DRC7: variants seen among roughly 807,000 people sequenced by gnomAD.
DRC7 encodes coiled-coil domain containing 135.
Under a neutral mutation model 104.4 loss-of-function variants are expected in DRC7, and 80 were observed. That is an observed-to-expected ratio of 0.77 (90% CI 0.64 to 0.92). DRC7 has a LOEUF of 0.92. Among genes scored for constraint, DRC7 ranks in the 40% least tolerant of loss-of-function variants. The pLI, the probability that DRC7 is intolerant of heterozygous loss-of-function variation, is 0.00. For missense variants in DRC7, 1,034 were observed against 1,141.1 expected, an observed-to-expected ratio of 0.91 and a Z score of 1.35; for synonymous variants, 405 against 447.3, an observed-to-expected ratio of 0.91 and a Z score of 1.19.
rs2048917646 is a variant in DRC7, at chr16:57,722,776, A to C, written c.1343A>C (p.Lys448Thr). Residue 448 changes from lysine (K) to threonine (T), a missense_variant, in exon 11 of 19, where the codon AAG becomes ACG. By Grantham distance (78) the Lys-to-Thr change is moderately conservative. Coordinates refer to ENST00000360716, the MANE Select transcript of DRC7 (RefSeq NM_001289162.2). ...VIQYKRAKLE[K>T]WAPYLNSNGL... ...CAGTACAAGAGGGCAAAGCTGGAGA[A>C]GTGGGCCCCGTACCTCAATAGCAAT... 6.2e-7 allele frequency: 1 copy of C among 1,613,908 alleles called. No individual in the cohort carries two copies. Among genetic ancestry groups the C allele is most frequent in the Non-Finnish European group, 8.5e-7 (1 of 1,180,012 alleles).
At chr16:57,717,676 G>A (rs1408479485) in intron 8 of DRC7, among the ~76,000 whole-genome samples, 1 of 151,700 alleles carries the variant, frequency 6.6e-6, no homozygotes, top group East Asian at 1.9e-4. Context: ...TCCAGCCTGG[G>A]CGACAGAGTG....
intron 6 of DRC7, among the ~76,000 whole-genome samples, chr16:57,704,398 C>T (rs2048690870): frequency 6.6e-6 from 1 of 151,910 alleles, no homozygotes; most frequent in Non-Finnish European, 1.5e-5. Context: ...CACACACACA[C>T]ACACACACGG....
intron 9 of DRC7, among the ~76,000 whole-genome samples, chr16:57,720,112 C>A (rs2048887268): frequency 6.6e-6 from 1 of 152,160 alleles, no homozygotes; most frequent in South Asian, 2.1e-4. Context: ...TTTAAATCCC[C>A]ACAGCCACCT....
chr16:57,723,486 G>T (rs573059681), intron 12 of DRC7, among the ~76,000 whole-genome samples: 1 of 152,166 alleles, frequency 6.6e-6, no homozygotes, highest in African/African-American at 2.4e-5. Flanking sequence ...TAATCCAAGC[G>T]CTTTGGGAGG....
Position 57,722,599 on chromosome 16 carries a change from C to T in DRC7, c.1280-114C>T, listed in dbSNP as rs1181014063. ...CGGCCTCCCTGGATCAGGCTTGGGG[C>T]TGGAGGAGTTCAGTACACAGAGAAC... On this transcript the variant is annotated intron_variant, in intron 10 of 18. Transcript: ENST00000360716. 23 of 1,408,460 alleles carry T rather than the reference C, an allele frequency of 1.6e-5. No homozygotes were observed. The Admixed American group carries it at 4.3e-4, about 26-fold the overall frequency. 87.2% of individuals were successfully genotyped at this position (1,408,460 alleles called of 1,614,324 possible).
chr16:57,726,170 C>G lies in DRC7; in HGVS notation c.1861C>G (p.His621Asp), dbSNP rs1409961371. The G allele has an allele frequency of 4.3e-5, 70 of 1,613,072 alleles. No homozygotes were observed. Among genetic ancestry groups the G allele is most frequent in the Non-Finnish European group, 5.6e-5 (66 of 1,180,024 alleles). ...GGAGGAGCGCATCCAGCTGCGCTAC[C>G]ACTGCCGTGAGGACCACATCACGGC... ...VAEERIQLRY[H>D]CREDHITASK... Residue 621 changes from histidine to aspartate, a missense_variant, in exon 14 of 19, where the codon CAC (histidine) becomes GAC (aspartate). His to Asp is a moderately conservative substitution (Grantham distance 81, BLOSUM62 -1). Transcript: ENST00000360716.
intron 6 of DRC7, among the ~76,000 whole-genome samples, chr16:57,702,947 G>C (rs1296474402): frequency 6.6e-6 from 1 of 152,036 alleles, no homozygotes; most frequent in Non-Finnish European, 1.5e-5. Flanking sequence ...GCAGTGGCAT[G>C]ATCTCGGCCC....
chr16:57,700,176 T>C lies in DRC7; in HGVS notation c.410T>C (p.Leu137Pro). The change falls in exon 5 of 19, where the codon CTG becomes CCG. Residue 137 changes from leucine (L) to proline (P), a missense_variant. Physicochemically the swap from Leu to Pro is moderately conservative, Grantham distance 98. Transcript: ENST00000360716. ...GTGAGCACAACCCTCCGGCCCACAC[T>C]GATGCCCTACCCCGAGCTCTACAAC... ...KFVSTTLRPT[L>P]MPYPELYNWD... The C allele has an allele frequency of 6.2e-7, 1 of 1,613,314 alleles. No homozygotes were observed. The highest frequency in any genetic ancestry group is 8.5e-7 in the Non-Finnish European group (1 of 1,179,722).
At position 57,728,365 on chromosome 16, in the gene DRC7, A is replaced by G. The variant is rs767200937; in HGVS notation, c.2197-25A>G. 4 of 1,548,756 alleles carry G rather than the reference A, an allele frequency of 2.6e-6. No individual in the cohort carries two copies. The East Asian group carries it at 9.2e-5, about 36-fold the overall frequency. ...AGGTCTCTGTAGTTCCTGCTGATCC[A>G]GCTATCTGCCCCTCACCTTTACAGG... On this transcript the variant is annotated intron_variant, in intron 16 of 18. Transcript: ENST00000360716.
rs1232085662 is a variant in DRC7 at position 57,726,272 on chromosome 16, A to G, written c.1963A>G (p.Ile655Val). ...NKIIMTPDMC[I>V]SFEVEPMEHT... Reference sequence around the variant, plus strand: ...GATCATCATGACGCCCGACATGTGCATCAGCTTCGAGGTGGGCCTGGGGGC... The same window carrying G: ...GATCATCATGACGCCCGACATGTGCGTCAGCTTCGAGGTGGGCCTGGGGGC... The change falls in exon 14 of 19, where the codon ATC becomes GTC. Residue 655 changes from isoleucine (I) to valine (V), a missense_variant. Ile to Val is a conservative substitution (Grantham distance 29). Transcript: ENST00000360716. The G allele has an allele frequency of 6.2e-7, 1 of 1,610,876 alleles. No homozygotes were observed. The highest frequency in any genetic ancestry group is 8.5e-7 in the Non-Finnish European group (1 of 1,178,196).
chr16:57,729,069 AGTGGATGGATGAGTGGGTAG>A (rs1461644865), intron 17 of DRC7, among the ~76,000 whole-genome samples: 1 of 136,116 alleles, frequency 7.3e-6, no homozygotes, highest in Non-Finnish European at 1.6e-5. Context: ...TGAGTGAGTG[AGTGGATGGATGAGTGGGTAG>A]GTGGATGGAT....
intron 8 of DRC7, among the ~76,000 whole-genome samples, chr16:57,715,748 C>T (rs2048836025): frequency 6.6e-6 from 1 of 152,230 alleles, no homozygotes; most frequent in Non-Finnish European, 1.5e-5. Context: ...TCCCCCAGGG[C>T]CTGGGCTCAT....
chr16:57,727,617 C>A (rs1013330169), intron 16 of DRC7, among the ~76,000 whole-genome samples: 1 of 152,242 alleles, frequency 6.6e-6, no homozygotes, highest in Non-Finnish European at 1.5e-5. Context: ...CCCCCCATCC[C>A]CAGGGGCTGT....
chr16:57,700,054 G>T, intron 4 of DRC7, 91 bp from the exon 5 acceptor site: 2 of 1,473,706 alleles, frequency 1.4e-6, no homozygotes, highest in South Asian at 1.3e-5. Flanking sequence ...CAGGCCTCTA[G>T]GGTCCCCCTG....
At chr16:57,703,201 A>G (rs1261960558) in intron 6 of DRC7, among the ~76,000 whole-genome samples, 1 of 32,306 alleles carries the variant, frequency 3.1e-5, no homozygotes, top group African/African-American at 1.7e-4. Flanking sequence ...TTTTAATAGC[A>G]AAAAAAAAAA....
At chr16:57,706,284 TCTCC>T (rs2048725928) in intron 7 of DRC7, among the ~76,000 whole-genome samples, 1 of 79,240 alleles carries the variant, frequency 1.3e-5, no homozygotes, top group Non-Finnish European at 2.5e-5. Flanking sequence ...TCCCATCCAT[TCTCC>T]CATCCATCCT....
chr16:57,724,894 C>A, intron 13 of DRC7, 59 bp downstream of exon 13: 2 of 1,377,582 alleles, frequency 1.5e-6, no homozygotes, highest in Non-Finnish European at 2.0e-6. Flanking sequence ...CTGATGTCAC[C>A]TCTGAATGGT....
At chr16:57,708,684 T>G (rs551611322) in intron 8 of DRC7, among the ~76,000 whole-genome samples, 28 of 152,186 alleles carry the variant, frequency 1.8e-4, no homozygotes, top group Non-Finnish European at 3.8e-4. Context: ...GCCCGATTTC[T>G]CAAGTGATTG....
intron 2 of DRC7, among the ~76,000 whole-genome samples, chr16:57,697,158 C>T (rs1300604535): frequency 6.6e-6 from 1 of 152,126 alleles, no homozygotes; most frequent in Non-Finnish European, 1.5e-5. Context: ...AGTGATCCAC[C>T]TGCCTCGGCC....
Sources: gnomAD v4.1 joint callset for allele counts (sites outside exome capture counted in the v4.1 genomes callset) on GRCh38, gnomAD v4.1.1 for gene constraint, MANE v1.5 for transcripts, NCBI Gene and HGNC (gene_info 2026-07-23, HGNC 2026-07-21) for gene names.